Variants in MTA3 observed in about 807,000 individuals in gnomAD.
The protein encoded by MTA3 is metastasis associated 1 family member 3.
A neutral mutation model predicts 83.5 loss-of-function variants in MTA3; 34 were observed. That is an observed-to-expected ratio of 0.41 (90% confidence interval 0.31 to 0.54). The LOEUF (loss-of-function observed/expected upper bound fraction) is 0.54. Ranked by LOEUF, MTA3 falls within the 20% of genes least tolerant of loss-of-function variation. The probability of loss-of-function intolerance (pLI) is 0.33; values close to 1 mark genes in which losing one functional copy is unlikely to be tolerated. For missense variants in MTA3, 761 were observed against 726.4 expected (o/e 1.05, Z -0.55); for synonymous variants, 303 against 252.7 (o/e 1.20, Z -1.89).
intron 4 of MTA3, among the ~76,000 whole-genome samples, chr2:42,623,040 G>C (rs1204281399): frequency 2.0e-5 from 3 of 152,216 alleles, no homozygotes; most frequent in Non-Finnish European, 4.4e-5. Context: ...CCATGGTAAT[G>C]TAATGAGGAA....
At chr2:42,713,864 G>A (rs2104521441) in intron 14 of MTA3, among the ~76,000 whole-genome samples, 1 of 152,166 alleles carries the variant, frequency 6.6e-6, no homozygotes, top group South Asian at 2.1e-4. Context: ...AAATAATGTT[G>A]CAACAAATAT....
chr2:42,523,641 A>G (rs1011122226), intron 2 of MTA3, among the ~76,000 whole-genome samples: 1 of 152,158 alleles, frequency 6.6e-6, no homozygotes, highest in South Asian at 2.1e-4. Flanking sequence ...GGCTGGGTGC[A>G]GTGGCGCATG....
At chr2:42,536,129 A>T (rs1395744723) in intron 2 of MTA3, among the ~76,000 whole-genome samples, 2 of 150,870 alleles carry the variant, frequency 1.3e-5, no homozygotes, top group African/African-American at 4.9e-5. Flanking sequence ...CAAAAAAAAA[A>T]AAAGCCATAG....
At chr2:42,509,602 C>T (rs57081889) in intron 2 of MTA3, among the ~76,000 whole-genome samples, 59,836 of 151,484 alleles carry the variant, frequency 0.39, 12,332 homozygotes, top group African/African-American at 0.52. Context: ...AAACTCTGTT[C>T]CTACTAAAAA....
chr2:42,532,767 A>C (rs1392988288), intron 2 of MTA3: 1 of 297,380 alleles, frequency 3.4e-6, no homozygotes, highest in African/African-American at 2.3e-5. Flanking sequence ...CCTATTATGC[A>C]TGAACTCATA....
intron 2 of MTA3, among the ~76,000 whole-genome samples, chr2:42,571,636 T>A (rs1194636674): frequency 6.6e-6 from 1 of 152,114 alleles, no homozygotes; most frequent in Non-Finnish European, 1.5e-5. Flanking sequence ...AGGAGGAAGC[T>A]AGGGAACATA....
At chr2:42,660,584 G>C (rs1325526790) in intron 8 of MTA3, among the ~76,000 whole-genome samples, 1 of 152,108 alleles carries the variant, frequency 6.6e-6, no homozygotes, top group Non-Finnish European at 1.5e-5. Context: ...TGAGTTTTTT[G>C]CTGATTGAAG....
At chr2:42,579,799 C>G (rs545663747) in intron 3 of MTA3, among the ~76,000 whole-genome samples, 3 of 151,898 alleles carry the variant, frequency 2.0e-5, no homozygotes, top group East Asian at 3.9e-4. Flanking sequence ...AATCTCCCAC[C>G]TTGGCCTCTC....
chr2:42,549,648 A>AATATATTATATACATATACATATATAAT lies in MTA3; in HGVS notation c.-140-20783_-140-20756dup, dbSNP rs1677019628. Among the ~76,000 whole-genome samples the AATATATTATATACATATACATATATAAT allele has an allele frequency of 1.4e-4, 17 of 125,136 alleles. No individual in the cohort carries two copies. In the East Asian group the frequency reaches 2.7e-3, roughly 20 times the overall value. 82.1% of individuals were successfully genotyped at this position (125,136 alleles called of 152,430 possible). A position where few individuals can be genotyped will look rare whatever the true frequency, so the allele number is the denominator to read the frequency against. ...ATATACATATACATATATAATATAT[A>AATATATTATATACATATACATATATAAT]ATATATTATATACATATACATATAT... On this transcript the variant is annotated intron_variant, in intron 2 of 17. Coordinates refer to the MTA3 transcript ENST00000405592.
chr2:42,654,736 T>C (rs890723485), intron 6 of MTA3, among the ~76,000 whole-genome samples: 2 of 152,196 alleles, frequency 1.3e-5, no homozygotes, highest in African/African-American at 2.4e-5. Flanking sequence ...CACCTCAGCT[T>C]CCTGAGTAGT....
At chr2:42,668,205 C>A (rs1472613696) in intron 8 of MTA3, among the ~76,000 whole-genome samples, 1 of 152,176 alleles carries the variant, frequency 6.6e-6, no homozygotes, top group Non-Finnish European at 1.5e-5. Flanking sequence ...GTTGGGGGCT[C>A]CTTTTCTGGG....
rs965483682 is a variant in MTA3, at chr2:42,550,759, G to A, written c.-140-19678G>A. ...TGAAGATATTAAAATTCATGATAGA[G>A]GGCCAGGCACAGTGGCTCATGCCTG... is the stretch of plus-strand genomic sequence containing the variant. On this transcript the variant is annotated intron_variant, in intron 2 of 17. Transcript: ENST00000405592. Among the ~76,000 whole-genome samples the A allele has an allele frequency of 2.0e-5, 3 of 152,066 alleles. No homozygotes were observed. The South Asian group carries it at 6.2e-4, about 32-fold the overall frequency.
At chr2:42,542,256 GC>G in intron 2 of MTA3, among the ~76,000 whole-genome samples, 1 of 152,314 alleles carries the variant, frequency 6.6e-6, no homozygotes, top group East Asian at 1.9e-4. Context: ...ATGGCCCTGA[GC>G]CCATCTCTGC....
chr2:42,572,512 C>T (rs1213161552), intron 2 of MTA3, among the ~76,000 whole-genome samples: 4 of 151,280 alleles, frequency 2.6e-5, no homozygotes, highest in Non-Finnish European at 5.9e-5. Context: ...GAGGTCAAGG[C>T]TGCCGTGAGC....
intron 4 of MTA3, among the ~76,000 whole-genome samples, chr2:42,632,614 C>T (rs906092281): frequency 6.6e-6 from 1 of 152,134 alleles, no homozygotes; most frequent in African/African-American, 2.4e-5. Flanking sequence ...TTGATTCCTC[C>T]TTGACAGTTT....
At chr2:42,631,104 G>C (rs965332686) in intron 4 of MTA3, among the ~76,000 whole-genome samples, 4 of 152,134 alleles carry the variant, frequency 2.6e-5, no homozygotes, top group Non-Finnish European at 4.4e-5. Flanking sequence ...TAAAGTGTTA[G>C]GCTTTTGTAA....
rs1670037144 is a variant in MTA3 at position 42,753,541 on chromosome 2, G to A, written c.*142G>A. The A allele has an allele frequency of 6.8e-6, 10 of 1,481,440 alleles. No homozygotes were observed. The highest frequency in any genetic ancestry group is 9.0e-6 in the Non-Finnish European group (10 of 1,112,442). The allele number at this position is 1,481,440 out of a possible 1,614,324, so 91.8% of individuals were successfully genotyped here. ...CGTGCATCCATGGAGACGCAATGGG[G>A]CGGGGAAGGAACTGTGGGAGTGCAC... On this transcript the variant is annotated 3_prime_UTR_variant, in exon 17 of 17. Coordinates refer to ENST00000405094, the MANE Select transcript of MTA3 (RefSeq NM_001330442.2).
At chr2:42,616,266 T>C (rs1459319882) in intron 4 of MTA3, among the ~76,000 whole-genome samples, 1 of 152,140 alleles carries the variant, frequency 6.6e-6, no homozygotes, top group Non-Finnish European at 1.5e-5. Flanking sequence ...TTTCACCATG[T>C]TGGCCAGGCT....
chr2:42,604,151 C>T (rs968047621), intron 3 of MTA3, among the ~76,000 whole-genome samples: 1 of 151,864 alleles, frequency 6.6e-6, no homozygotes, highest in African/African-American at 2.4e-5. Context: ...AAGCGATTCT[C>T]CTGCCTGAGT....
Sources: gnomAD v4.1 joint callset for allele counts (sites outside exome capture counted in the v4.1 genomes callset) on GRCh38, gnomAD v4.1.1 for gene constraint, MANE v1.5 for transcripts, NCBI Gene and HGNC (gene_info 2026-07-23, HGNC 2026-07-21) for gene names.